Variants in C4orf50 observed in about 807,000 individuals in gnomAD.
The protein encoded by C4orf50 is uncharacterized protein C4orf50.
Under a neutral mutation model 77.2 loss-of-function variants are expected in C4orf50, and 80 were observed. The ratio of observed to expected loss-of-function variants is 1.04; its 90% confidence interval spans 0.87 to 1.25. C4orf50 has a LOEUF of 1.25. C4orf50 is among the 50% of genes most tolerant of loss of function. The probability of loss-of-function intolerance (pLI) is 0.00; values close to 1 mark genes in which losing one functional copy is unlikely to be tolerated. For missense variants in C4orf50, 1,257 were observed against 1,152.9 expected, an observed-to-expected ratio of 1.09 and a Z score of -1.31; for synonymous variants, 532 against 465.3, an observed-to-expected ratio of 1.14 and a Z score of -1.84.
At position 5,932,360 on chromosome 4, in the gene C4orf50, G is replaced by A. The variant is rs1439740918; in HGVS notation, c.*2474+24541C>T. 6.6e-6 allele frequency among the ~76,000 whole-genome samples: 1 copy of A among 152,192 alleles called. No individual in the cohort carries two copies. Among genetic ancestry groups the A allele is most frequent in the Admixed American group, 6.5e-5 (1 of 15,276 alleles). ...GAGGGAGGCAGGCAGCGGACAGCTT[G>A]CCTGGTGCTGTCCTGGTGCCCAAGT... On this transcript the variant is annotated intron_variant, in intron 7 of 7. Transcript: ENST00000324058. The surrounding 1 kb of genome is among the most constrained non-coding windows in gnomAD (Gnocchi z 4.2).
intron 23 of C4orf50, among the ~76,000 whole-genome samples, chr4:6,014,003 G>GT (rs1560605576): frequency 1.7e-5 from 2 of 120,840 alleles, no homozygotes; most frequent in Non-Finnish European, 1.8e-5. Context: ...TTTAAGTTGT[G>GT]TGTTTTTTTT....
At chr4:5,973,170 C>T (rs996986035) in intron 31 of C4orf50, among the ~76,000 whole-genome samples, 4 of 152,212 alleles carry the variant, frequency 2.6e-5, no homozygotes, top group African/African-American at 9.6e-5. Flanking sequence ...GCTCATGCCC[C>T]GTCACGCGGG....
At chr4:5,912,669 C>G in intron 7 of C4orf50, among the ~76,000 whole-genome samples, 1 of 152,138 alleles carries the variant, frequency 6.6e-6, no homozygotes, top group East Asian at 1.9e-4. Flanking sequence ...AAGGGGCATG[C>G]CACACCATGC....
At chr4:5,980,007 T>A (rs1450565972) in intron 29 of C4orf50, among the ~76,000 whole-genome samples, 167 bp downstream of exon 7, 2 of 151,942 alleles carry the variant, frequency 1.3e-5, no homozygotes, top group African/African-American at 4.8e-5. Flanking sequence ...AGCCTGTGGT[T>A]TTTTGTTGTT....
At chr4:5,994,880 G>A (rs1217214355) in intron 25 of C4orf50, among the ~76,000 whole-genome samples, 2 of 152,132 alleles carry the variant, frequency 1.3e-5, no homozygotes, top group African/African-American at 2.4e-5. Context: ...CCTGAGCTCC[G>A]CCTCCTGTCA....
intron 25 of C4orf50, among the ~76,000 whole-genome samples, chr4:5,999,347 A>G (rs1431042880): frequency 2.0e-5 from 3 of 152,306 alleles, no homozygotes; most frequent in Middle Eastern, 3.4e-3. Context: ...ATGAGAATCC[A>G]TAACTCTACC....
Position 5,959,359 on chromosome 4 carries a change from A to G in C4orf50, c.*16T>C. ...TATGGAGTCTATGAAATGGCTCCGG[A>G]GAATGAGTGGCCCTATTACATTTCT... is the stretch of plus-strand genomic sequence containing the variant. On this transcript the variant is annotated 3_prime_UTR_variant, in exon 34 of 34. Coordinates refer to ENST00000531445, the Ensembl canonical transcript of C4orf50. The G allele has an allele frequency of 6.2e-7, 1 of 1,607,672 alleles. No individual in the cohort carries two copies. The highest frequency in any genetic ancestry group is 1.1e-5 in the South Asian group (1 of 90,874).
rs369032774 is a variant in C4orf50 at position 6,015,646 on chromosome 4, C to A, written c.287+2499G>T. ...CTGTAACACGTCACCACAAGCTTGGCGGCCAGAAGTCGGAATCAGTCTTCC... is the reference window on the plus strand; with the variant it reads ...CTGTAACACGTCACCACAAGCTTGGAGGCCAGAAGTCGGAATCAGTCTTCC... On this transcript the variant is annotated intron_variant, in intron 23 of 33. Coordinates refer to ENST00000531445, the Ensembl canonical transcript of C4orf50. This position sits in a 1 kb window ranked among gnomAD's most constrained non-coding sequence, Gnocchi z 4.4. Among the ~76,000 whole-genome samples the A allele has an allele frequency of 1.3e-5, 2 of 152,068 alleles. No individual in the cohort carries two copies. The highest frequency in any genetic ancestry group is 2.4e-5 in the African/African-American group (1 of 41,412).
At chr4:5,924,453 G>A (rs1717420614) in intron 7 of C4orf50, among the ~76,000 whole-genome samples, 1 of 152,154 alleles carries the variant, frequency 6.6e-6, no homozygotes. Context: ...TTCCCAGCCT[G>A]CCCCACACCC....
intron 7 of C4orf50, among the ~76,000 whole-genome samples, chr4:5,928,159 T>C (rs943960852): frequency 3.3e-5 from 5 of 152,216 alleles, no homozygotes; most frequent in Non-Finnish European, 7.3e-5. Context: ...TTAATTCAGA[T>C]AGAGCTCATT....
exon 28 of C4orf50, chr4:5,990,332 C>T (rs1225894890): frequency 2.5e-6 from 2 of 813,870 alleles, no homozygotes; most frequent in Admixed American, 4.3e-5. Flanking sequence ...AGGTTTTTCC[C>T]CTTCCTGCCC....
At chr4:5,928,369 CACACACACAT>C (rs1399044874) in intron 7 of C4orf50, among the ~76,000 whole-genome samples, 8 of 149,514 alleles carry the variant, frequency 5.4e-5, no homozygotes, top group East Asian at 2.0e-4. Flanking sequence ...CACATACACA[CACACACACAT>C]ACACACACAC....
At chr4:5,928,538 G>C (rs1355956572) in intron 7 of C4orf50, among the ~76,000 whole-genome samples, 1 of 152,194 alleles carries the variant, frequency 6.6e-6, no homozygotes, top group Non-Finnish European at 1.5e-5. Context: ...GACAGGGACG[G>C]GCACGGAGAA....
intron 7 of C4orf50, among the ~76,000 whole-genome samples, chr4:5,906,094 A>T (rs1716540111): frequency 6.6e-6 from 1 of 152,140 alleles, no homozygotes; most frequent in Non-Finnish European, 1.5e-5. Flanking sequence ...GCCTTCAGCC[A>T]GTGCAAAAGC....
At chr4:5,940,051 G>C (rs779359659) in intron 7 of C4orf50, among the ~76,000 whole-genome samples, 1 of 152,206 alleles carries the variant, frequency 6.6e-6, no homozygotes, top group Non-Finnish European at 1.5e-5. Context: ...GCACATGTGC[G>C]TGTTTCTCCC....
At position 5,990,274 on chromosome 4, in the gene C4orf50, A is replaced by T; in HGVS notation, c.1772T>A (p.Leu591Ter). 8.3e-7 allele frequency: 1 copy of T among 1,210,520 alleles called. No homozygotes were observed. Among genetic ancestry groups the T allele is most frequent in the South Asian group, 4.2e-5 (1 of 23,968 alleles). The allele number at this position is 1,210,520 out of a possible 1,614,324, so 75.0% of individuals were successfully genotyped here. A position where few individuals can be genotyped will look rare whatever the true frequency, so the allele number is the denominator to read the frequency against. ...CTCTGCAGCTCCAGCCCCATTCTCCAAGCTCAGGTTCTGATGGCTTTCCTG... is the reference window on the plus strand; with the variant it reads ...CTCTGCAGCTCCAGCCCCATTCTCCTAGCTCAGGTTCTGATGGCTTTCCTG... Residue 591 changes from leucine to a stop codon, truncating the protein, a stop_gained, in exon 28 of 34, where the codon TTG (leucine) becomes TAG (stop). Transcript: ENST00000531445. LOFTEE classifies it high-confidence loss of function.
chr4:6,010,462 A>G (rs748209008), intron 24 of C4orf50, among the ~76,000 whole-genome samples: 22 of 152,332 alleles, frequency 1.4e-4, no homozygotes, highest in East Asian at 5.8e-4. Flanking sequence ...GTTTCCCACT[A>G]TAAGAAACAC....
At chr4:5,925,337 C>A (rs1717469952) in intron 7 of C4orf50, among the ~76,000 whole-genome samples, 1 of 152,170 alleles carries the variant, frequency 6.6e-6, no homozygotes, top group Non-Finnish European at 1.5e-5. Flanking sequence ...GGATCCCCAA[C>A]TCTCTTCGCA....
Position 5,989,807 on chromosome 4 carries a change from CG to C in C4orf50, c.2238del (p.Glu747ArgfsTer46). 6.6e-7 allele frequency: 1 copy of C among 1,505,272 alleles called. No homozygotes were observed. Among genetic ancestry groups the C allele is most frequent in the Non-Finnish European group, 8.9e-7 (1 of 1,128,946 alleles). 93.2% of individuals were successfully genotyped at this position (1,505,272 alleles called of 1,614,324 possible). A position where few individuals can be genotyped will look rare whatever the true frequency, so the allele number is the denominator to read the frequency against. On this transcript the variant is annotated frameshift_variant, in exon 28 of 34. Coordinates refer to ENST00000531445, the Ensembl canonical transcript of C4orf50. LOFTEE classifies it high-confidence loss of function. ...TCATGTTCCTGGGAGTCAGGCTCCT[CG>C]GGGGCACCCCTGCACCCCAGACCGG...
Sources: allele counts gnomAD v4.1 joint callset (sites outside exome capture counted in the v4.1 genomes callset), GRCh38; gene constraint gnomAD v4.1.1; non-coding constraint Gnocchi (gnomAD v3.1); transcripts MANE v1.5; gene names NCBI Gene and HGNC (gene_info 2026-07-23, HGNC 2026-07-21).